The following DIAPH2 variants were observed in gnomAD, a reference collection of about 807,000 sequenced individuals.
DIAPH2 encodes the protein protein diaphanous homolog 2.
DIAPH2 carries 35 observed loss-of-function variants against 92.7 expected under a neutral mutation model. The ratio of observed to expected loss-of-function variants is 0.38; its 90% CI spans 0.29 to 0.50. The LOEUF is 0.50. Among genes scored for constraint, DIAPH2 ranks in the 20% least tolerant of loss-of-function variants. The probability of loss-of-function intolerance (pLI) is 0.94; values close to 1 mark genes in which losing one functional copy is unlikely to be tolerated. For missense variants in DIAPH2, 701 were observed against 819.5 expected (o/e 0.86, Z 1.77); for synonymous variants, 301 against 280.4 (o/e 1.07, Z -0.73).
intron 26 of DIAPH2, among the ~76,000 whole-genome samples, chrX:97,510,093 C>T (rs1325108938): frequency 6.3e-5 from 7 of 110,449 alleles, no homozygotes; most frequent in African/African-American, 2.0e-4. Context: ...CACTGACTTC[C>T]ACAATGGTTG....
At chrX:96,758,822 G>A (rs188894598) in intron 4 of DIAPH2, among the ~76,000 whole-genome samples, 153 of 111,447 alleles carry the variant, frequency 1.4e-3, no homozygotes, top group African/African-American at 4.6e-3. Context: ...CTGTTTGTGA[G>A]TCCCAAGACT....
intron 17 of DIAPH2, among the ~76,000 whole-genome samples, chrX:96,967,391 T>C (rs867535129): frequency 1.3e-5 from 1 of 79,426 alleles, no homozygotes; most frequent in Non-Finnish European, 2.7e-5. Context: ...TATATTTATT[T>C]ATTTATTCAT....
chrX:96,940,049 A>G (rs1198629258), intron 12 of DIAPH2, among the ~76,000 whole-genome samples: 1 of 110,322 alleles, frequency 9.1e-6, no homozygotes, highest in Non-Finnish European at 1.9e-5. Context: ...CTCCAGCGAC[A>G]GGACTTTGGT....
At chrX:97,462,130 C>T (rs1407448637) in intron 26 of DIAPH2, among the ~76,000 whole-genome samples, 1 of 111,648 alleles carries the variant, frequency 9.0e-6, no homozygotes, top group Non-Finnish European at 1.9e-5. Context: ...CATCTTTGTA[C>T]CCCTGATGTA....
chrX:96,899,178 T>C (rs900098999), intron 5 of DIAPH2, among the ~76,000 whole-genome samples: 1 of 108,761 alleles, frequency 9.2e-6, no homozygotes, highest in Non-Finnish European at 1.9e-5. Flanking sequence ...CCAGCTTTGT[T>C]CTTTTGGCTT....
intron 17 of DIAPH2, among the ~76,000 whole-genome samples, chrX:96,983,391 T>G (rs1247209062): frequency 1.8e-5 from 2 of 111,224 alleles, no homozygotes; most frequent in Non-Finnish European, 1.9e-5. Flanking sequence ...ACTTAAACAA[T>G]TGGCCACAGG....
intron 19 of DIAPH2, among the ~76,000 whole-genome samples, chrX:97,083,225 C>T (rs1407831535): frequency 2.7e-5 from 3 of 111,803 alleles, no homozygotes; most frequent in Non-Finnish European, 5.6e-5. Context: ...CTATGGCACA[C>T]TTTAACATAG....
At chrX:96,884,268 C>T (rs768443110) in intron 5 of DIAPH2, 2 of 1,150,585 alleles carry the variant, frequency 1.7e-6, no homozygotes, top group Non-Finnish European at 2.3e-6. Context: ...GAGCCCCAGA[C>T]GAGCCAAAGC....
intron 26 of DIAPH2, among the ~76,000 whole-genome samples, chrX:97,526,326 G>A (rs773510335): frequency 9.0e-6 from 1 of 111,202 alleles, no homozygotes; most frequent in African/African-American, 3.3e-5. Context: ...TGCTTCGAAT[G>A]GTTATCCTAA....
chrX:97,387,071 T>G (rs1488519687), intron 25 of DIAPH2, among the ~76,000 whole-genome samples: 2 of 111,621 alleles, frequency 1.8e-5, no homozygotes, highest in Admixed American at 9.6e-5. Flanking sequence ...TGTTTTTGTT[T>G]TGTTTTTGTT....
chrX:96,920,356 T>C (rs1448287134), intron 9 of DIAPH2, among the ~76,000 whole-genome samples: 1 of 111,950 alleles, frequency 8.9e-6, no homozygotes, highest in East Asian at 2.8e-4. Flanking sequence ...TTCAGATATA[T>C]GTGTATGTTT....
At chrX:97,413,895 A>G (rs754604076) in intron 25 of DIAPH2, among the ~76,000 whole-genome samples, 1 of 111,741 alleles carries the variant, frequency 8.9e-6, no homozygotes, top group African/African-American at 3.3e-5. Context: ...TCAACGAAAT[A>G]GAAGAGGACA....
At chrX:97,394,190 A>G (rs188062400) in intron 25 of DIAPH2, among the ~76,000 whole-genome samples, 7 of 112,059 alleles carry the variant, frequency 6.2e-5, no homozygotes, top group African/African-American at 2.3e-4. Flanking sequence ...CTCACAAATA[A>G]TGGAATTGAT....
At chrX:96,974,673 T>TATATA (rs1180475877) in intron 17 of DIAPH2, among the ~76,000 whole-genome samples, 1 of 111,610 alleles carries the variant, frequency 9.0e-6, no homozygotes, top group African/African-American at 3.3e-5. Flanking sequence ...TATGTAAGTG[T>TATATA]TGGAATTTGT....
chrX:97,103,763 G>A (rs187595975), intron 20 of DIAPH2, among the ~76,000 whole-genome samples: 2 of 111,953 alleles, frequency 1.8e-5, no homozygotes, highest in African/African-American at 6.5e-5. Flanking sequence ...TAGCACTAAA[G>A]CTACAGCATT....
chrX:96,889,901 A>G (rs1463897347), intron 5 of DIAPH2, among the ~76,000 whole-genome samples: 1 of 112,249 alleles, frequency 8.9e-6, no homozygotes, highest in East Asian at 2.8e-4. Context: ...AATGTCAAGG[A>G]GGCTAGCATG....
intron 23 of DIAPH2, among the ~76,000 whole-genome samples, chrX:97,276,040 C>G (rs1469988086): frequency 4.4e-5 from 5 of 112,646 alleles, no homozygotes; most frequent in Non-Finnish European, 9.4e-5. Flanking sequence ...CTCGGGAGGC[C>G]GAGGCTGGCA....
At chrX:96,834,449 T>C (rs1245607103) in intron 4 of DIAPH2, among the ~76,000 whole-genome samples, 1 of 112,077 alleles carries the variant, frequency 8.9e-6, no homozygotes. Flanking sequence ...AGGTGTCATA[T>C]TCTCCCTTTC....
chrX:96,950,324 G>C (rs888610904), intron 15 of DIAPH2, among the ~76,000 whole-genome samples: 1 of 111,212 alleles, frequency 9.0e-6, no homozygotes, highest in African/African-American at 3.3e-5. Flanking sequence ...TCCAGCTCGT[G>C]ATTAGCTACC....
Sources: allele counts gnomAD v4.1 joint callset (sites outside exome capture counted in the v4.1 genomes callset), GRCh38; gene constraint gnomAD v4.1.1; transcripts MANE v1.5; gene names NCBI Gene and HGNC (gene_info 2026-07-23, HGNC 2026-07-21).